Variants in NREP observed in about 807,000 individuals in gnomAD.
NREP encodes the protein neuronal regeneration-related protein.
In NREP, 5 loss-of-function variants were observed where a neutral mutation model predicts 8.6. The ratio of observed to expected loss-of-function variants is 0.58; its 90% CI spans 0.30 to 1.22. NREP has a LOEUF of 1.22. Ranked by LOEUF, NREP falls within the 50% of genes most tolerant of loss-of-function variation. The pLI is 0.07. For synonymous variants in NREP, 27 were observed against 28.0 expected, an observed-to-expected ratio of 0.96 and a Z score of 0.11; for missense variants, 86 against 82.5, an observed-to-expected ratio of 1.04 and a Z score of -0.17.
chr5:111,964,424 G>C (rs888696886), intron 2 of NREP, among the ~76,000 whole-genome samples: 11 of 152,246 alleles, frequency 7.2e-5, no homozygotes, highest in Non-Finnish European at 1.0e-4. Flanking sequence ...CTGGAGTTCA[G>C]TGGCACCATC....
intron 2 of NREP, among the ~76,000 whole-genome samples, chr5:111,877,453 T>C (rs893060794): frequency 6.6e-6 from 1 of 152,194 alleles, no homozygotes; most frequent in Non-Finnish European, 1.5e-5. Context: ...CTAAGGATCT[T>C]CAAAAAATAG....
At chr5:111,749,265 T>C (rs1481290402) in intron 2 of NREP, among the ~76,000 whole-genome samples, 1 of 152,146 alleles carries the variant, frequency 6.6e-6, no homozygotes, top group Non-Finnish European at 1.5e-5. Context: ...GCATAAAGAA[T>C]TCAAGGAGCA....
chr5:111,953,679 C>T (rs918458284), intron 2 of NREP, among the ~76,000 whole-genome samples: 5 of 151,998 alleles, frequency 3.3e-5, no homozygotes, highest in Non-Finnish European at 7.4e-5. Flanking sequence ...GGATAGGAAC[C>T]AAGTGTCCAG....
At chr5:111,735,746 C>T (rs888389059) in intron 2 of NREP, among the ~76,000 whole-genome samples, 1 of 152,148 alleles carries the variant, frequency 6.6e-6, no homozygotes, top group African/African-American at 2.4e-5. Flanking sequence ...GCAGAGATAT[C>T]AATCAATGTT....
At chr5:111,950,947 G>A (rs969816251) in intron 2 of NREP, among the ~76,000 whole-genome samples, 10 of 152,010 alleles carry the variant, frequency 6.6e-5, no homozygotes, top group African/African-American at 1.9e-4. Flanking sequence ...TGCAATTGAC[G>A]TCTCCTATTT....
At chr5:111,916,793 G>A (rs769261229) in intron 2 of NREP, among the ~76,000 whole-genome samples, 1 of 152,092 alleles carries the variant, frequency 6.6e-6, no homozygotes, top group East Asian at 1.9e-4. Context: ...TAGGGGTTGT[G>A]ACAAATATCT....
chr5:111,867,540 A>G (rs894513249), intron 2 of NREP, among the ~76,000 whole-genome samples: 1 of 152,050 alleles, frequency 6.6e-6, no homozygotes, highest in Non-Finnish European at 1.5e-5. Flanking sequence ...ATTGTGTGAG[A>G]TCTTGGGTGT....
intron 2 of NREP, among the ~76,000 whole-genome samples, chr5:111,856,107 G>C (rs564562616): frequency 2.0e-5 from 3 of 152,178 alleles, no homozygotes; most frequent in African/African-American, 7.2e-5. Flanking sequence ...GAGGCAAGGG[G>C]AAGCATGGTG....
intron 2 of NREP, chr5:111,975,167 G>C (rs1482241600): frequency 1.8e-5 from 13 of 742,596 alleles, no homozygotes; most frequent in East Asian, 1.4e-4. Context: ...CGGGGCAATG[G>C]TGGGAATGAC....
In NREP at chr5:111,826,200, G is replaced by A. The variant is rs117948585; in HGVS notation, c.136-90693C>T. Among the ~76,000 whole-genome samples, 301 of 152,174 alleles carry A rather than the reference G, an allele frequency of 2.0e-3. 7 individuals carry two copies. In the East Asian group the frequency reaches 0.041, roughly 21 times the overall value. On this transcript the variant is annotated intron_variant, in intron 2 of 3. Transcript: ENST00000395634. The stretch of plus-strand genomic sequence containing the variant: ...TGTGTCTAGCTAAAGGTTCGTAAAC[G>A]CACCAATCAGCACTCTGTAGAAAAC...
chr5:111,931,532 A>T (rs1022787422), intron 2 of NREP, among the ~76,000 whole-genome samples: 4 of 152,140 alleles, frequency 2.6e-5, no homozygotes, highest in Non-Finnish European at 4.4e-5. Flanking sequence ...CTCTGCCTAC[A>T]TTCTGACTAC....
intron 2 of NREP, among the ~76,000 whole-genome samples, chr5:111,869,802 G>A (rs1428912339): frequency 1.3e-5 from 2 of 152,172 alleles, no homozygotes; most frequent in Admixed American, 6.5e-5. Flanking sequence ...TTTCTTAACT[G>A]ATGAAAGAGT....
intron 2 of NREP, among the ~76,000 whole-genome samples, chr5:111,813,437 T>C (rs1752313788): frequency 6.6e-6 from 1 of 152,194 alleles, no homozygotes; most frequent in Admixed American, 6.5e-5. Context: ...ATAAAGGTGA[T>C]GACTTATATT....
At chr5:111,782,287 G>A (rs1371908892) in intron 2 of NREP, among the ~76,000 whole-genome samples, 1 of 152,156 alleles carries the variant, frequency 6.6e-6, no homozygotes, top group Non-Finnish European at 1.5e-5. Flanking sequence ...ATATGGAACT[G>A]GCAGCTTATC....
chr5:111,798,847 T>C (rs1050506346), intron 2 of NREP, among the ~76,000 whole-genome samples: 1 of 152,040 alleles, frequency 6.6e-6, no homozygotes, highest in African/African-American at 2.4e-5. Flanking sequence ...TTAAGCTGGT[T>C]CCATATTTTG....
At chr5:111,746,644 T>C (rs1395178065) in intron 2 of NREP, among the ~76,000 whole-genome samples, 1 of 152,140 alleles carries the variant, frequency 6.6e-6, no homozygotes, top group East Asian at 1.9e-4. Flanking sequence ...TCATAGGCAG[T>C]TTTTAATCCT....
chr5:111,962,352 G>A (rs565787120), intron 2 of NREP, among the ~76,000 whole-genome samples: 11 of 151,446 alleles, frequency 7.3e-5, no homozygotes, highest in Non-Finnish European at 1.3e-4. Context: ...AGCACAAAGA[G>A]CACCCCTGGC....
chr5:111,785,466 G>A (rs1751587603), intron 2 of NREP, among the ~76,000 whole-genome samples: 1 of 152,066 alleles, frequency 6.6e-6, no homozygotes, highest in African/African-American at 2.4e-5. Flanking sequence ...TTTTAGTAGA[G>A]TCGGGGTTTC....
chr5:111,943,215 T>C (rs956080105), intron 2 of NREP, among the ~76,000 whole-genome samples: 10 of 152,076 alleles, frequency 6.6e-5, no homozygotes, highest in African/African-American at 1.4e-4. Flanking sequence ...ATATTAATAA[T>C]AGCTAACATT....
Sources: gnomAD v4.1 joint callset for allele counts (sites outside exome capture counted in the v4.1 genomes callset) on GRCh38, gnomAD v4.1.1 for gene constraint, MANE v1.5 for transcripts, NCBI Gene and HGNC (gene_info 2026-07-23, HGNC 2026-07-21) for gene names.